SLC35D4: variants seen among roughly 807,000 people sequenced by gnomAD.
The protein encoded by SLC35D4 is UDP-N-acetylglucosamine transporter SLC35D4.
At chr18:23,427,228 G>T in the SLC35D4 span, among the ~76,000 whole-genome samples, 12 of 152,276 alleles carry the variant, frequency 7.9e-5, no homozygotes, top group South Asian at 1.5e-3. Flanking sequence ...AGAGTGAACA[G>T]GCAACCCACA....
At chr18:23,437,943 G>T in the SLC35D4 span, 2,616 of 1,420,300 alleles carry the variant, frequency 1.8e-3, 7 homozygotes, top group South Asian at 3.5e-3. Context: ...AGCGGCAGCG[G>T]CAGCAGCCGC....
chr18:23,429,041 T>C, the SLC35D4 span, among the ~76,000 whole-genome samples: 2 of 152,266 alleles, frequency 1.3e-5, no homozygotes, highest in Non-Finnish European at 2.9e-5. Context: ...TACGGCTGCA[T>C]AGTATTCCAT....
the SLC35D4 span, among the ~76,000 whole-genome samples, chr18:23,249,493 C>A: frequency 6.6e-6 from 1 of 152,166 alleles, no homozygotes; most frequent in African/African-American, 2.4e-5. Context: ...GGTGCAGGTG[C>A]GAGGCCCCAC....
the SLC35D4 span, among the ~76,000 whole-genome samples, chr18:23,254,311 C>T: frequency 1.1e-3 from 170 of 152,354 alleles, no homozygotes; most frequent in Non-Finnish European, 1.6e-3. Context: ...TGGCTTCCTA[C>T]TTCCTTAGCT....
the SLC35D4 span, among the ~76,000 whole-genome samples, chr18:23,397,097 G>A: frequency 2.7e-4 from 41 of 152,178 alleles, no homozygotes; most frequent in South Asian, 8.3e-3. Context: ...GTGTGTGTGG[G>A]GCGGCGGGGG....
the SLC35D4 span, among the ~76,000 whole-genome samples, chr18:23,368,330 AC>A: frequency 6.6e-6 from 1 of 152,096 alleles, no homozygotes; most frequent in African/African-American, 2.4e-5. Context: ...CTCTTTGGAC[AC>A]CCCTTGGGCC....
chr18:23,387,459 A>C, the SLC35D4 span, among the ~76,000 whole-genome samples: 5 of 152,196 alleles, frequency 3.3e-5, no homozygotes, highest in Admixed American at 6.5e-5. Context: ...GCAGCACTGC[A>C]CAAAGGGTGT....
chr18:23,434,594 T>C, the SLC35D4 span, among the ~76,000 whole-genome samples: 1 of 152,078 alleles, frequency 6.6e-6, no homozygotes, highest in Non-Finnish European at 1.5e-5. Flanking sequence ...AGTTAAAAAC[T>C]AGCCTGAGTA....
At chr18:23,313,089 T>C in the SLC35D4 span, among the ~76,000 whole-genome samples, 1 of 119,632 alleles carries the variant, frequency 8.4e-6, no homozygotes, top group Non-Finnish European at 1.6e-5. Context: ...ATCACGCCAC[T>C]GCACTCCAGC....
At chr18:23,331,614 G>C in the SLC35D4 span, 1 of 152,774 alleles carries the variant, frequency 6.5e-6, no homozygotes, top group Non-Finnish European at 1.5e-5. Flanking sequence ...GGAGGCACAG[G>C]AATCTCAAGT....
the SLC35D4 span, chr18:23,331,668 T>C: frequency 6.5e-6 from 1 of 153,402 alleles, no homozygotes; most frequent in Non-Finnish European, 1.5e-5. Flanking sequence ...CCCACACAGC[T>C]GCCACCTGGA....
chr18:23,292,497 C>T, the SLC35D4 span, among the ~76,000 whole-genome samples: 5 of 152,280 alleles, frequency 3.3e-5, no homozygotes, highest in Admixed American at 1.3e-4. Flanking sequence ...AGACCCTGCC[C>T]GGTGGCAAAG....
chr18:23,246,484 C>T, the SLC35D4 span, among the ~76,000 whole-genome samples: 37 of 152,088 alleles, frequency 2.4e-4, no homozygotes, highest in East Asian at 5.8e-4. Context: ...CTCCGCCTCC[C>T]GGGTTCACGC....
At chr18:23,410,274 G>A in the SLC35D4 span, among the ~76,000 whole-genome samples, 4 of 151,198 alleles carry the variant, frequency 2.6e-5, no homozygotes, top group Non-Finnish European at 5.9e-5. Flanking sequence ...AGGTCAGATC[G>A]AGACCATCCT....
chr18:23,266,930 G>T, the SLC35D4 span, among the ~76,000 whole-genome samples: 1 of 152,210 alleles, frequency 6.6e-6, no homozygotes, highest in Admixed American at 6.5e-5. Flanking sequence ...CGCTGATGAG[G>T]GGCTGGTGGG....
the SLC35D4 span, among the ~76,000 whole-genome samples, chr18:23,289,242 T>C: frequency 6.6e-6 from 1 of 152,240 alleles, no homozygotes; most frequent in Non-Finnish European, 1.5e-5. Context: ...CTGTTAACTC[T>C]TAAAGTAAAT....
At chr18:23,284,178 T>G in the SLC35D4 span, among the ~76,000 whole-genome samples, 1 of 152,158 alleles carries the variant, frequency 6.6e-6, no homozygotes, top group African/African-American at 2.4e-5. Flanking sequence ...CTTTACAGCA[T>G]CCTGTCTAAT....
At chr18:23,328,526 T>G in the SLC35D4 span, among the ~76,000 whole-genome samples, 1 of 152,296 alleles carries the variant, frequency 6.6e-6, no homozygotes, top group East Asian at 1.9e-4. Context: ...CAAGGAGAAC[T>G]ACATACCACT....
At chr18:23,429,330 T>G in the SLC35D4 span, among the ~76,000 whole-genome samples, 2 of 152,162 alleles carry the variant, frequency 1.3e-5, no homozygotes, top group Non-Finnish European at 2.9e-5. Flanking sequence ...AAACGTTTCC[T>G]TTTTTCCAAA....
Sources: gnomAD v4.1 joint callset for allele counts (sites outside exome capture counted in the v4.1 genomes callset) on GRCh38, gnomAD v4.1.1 for gene constraint, MANE v1.5 for transcripts, NCBI Gene and HGNC (gene_info 2026-07-23, HGNC 2026-07-21) for gene names.